Variants in XRCC4 observed in about 807,000 individuals in gnomAD.
The protein encoded by XRCC4 is X-ray repair cross complementing 4, also known as DNA repair protein XRCC4.
XRCC4 carries 28 observed loss-of-function variants against 39.1 expected under a neutral mutation model. That is an observed-to-expected ratio of 0.72 (90% CI 0.53 to 0.98). XRCC4 has a LOEUF of 0.98. Among genes scored for constraint, XRCC4 ranks in the 50% least tolerant of loss-of-function variants. The probability of loss-of-function intolerance (pLI) is 0.00; values close to 1 mark genes in which losing one functional copy is unlikely to be tolerated. For synonymous variants in XRCC4, 123 were observed against 126.4 expected, an observed-to-expected ratio of 0.97 and a Z score of 0.18; for missense variants, 350 against 376.4, an observed-to-expected ratio of 0.93 and a Z score of 0.58.
chr5:83,270,986 A>G (rs952886756), intron 7 of XRCC4, among the ~76,000 whole-genome samples: 2 of 151,916 alleles, frequency 1.3e-5, no homozygotes, highest in Admixed American at 1.3e-4. Flanking sequence ...GGGTTTTGCC[A>G]TGTATAGGAA....
intron 1 of XRCC4, among the ~76,000 whole-genome samples, chr5:83,078,661 TG>T (rs1744794203): frequency 6.6e-6 from 1 of 152,230 alleles, no homozygotes; most frequent in South Asian, 2.1e-4. Flanking sequence ...TATTTGAGTC[TG>T]TTATATTGAA....
rs141546096 is a variant in XRCC4, at chr5:83,147,625, G to A, written c.315+36422G>A. On this transcript the variant is annotated intron_variant, in intron 3 of 7. Transcript: ENST00000396027. ...TCAATTAGGAGAAATAAATTCAAGG[G>A]ATCTGTTGTATAACACAGGGACTAT... Among the ~76,000 whole-genome samples the A allele has an allele frequency of 5.0e-3, 768 of 152,086 alleles. 8 individuals are homozygous for A. Among genetic ancestry groups the A allele is most frequent in the African/African-American group, 0.018 (736 of 41,478 alleles).
intron 7 of XRCC4, among the ~76,000 whole-genome samples, chr5:83,278,797 G>A (rs960818524): frequency 2.0e-5 from 3 of 151,550 alleles, no homozygotes; most frequent in Non-Finnish European, 2.9e-5. Context: ...ACCAGCCTGG[G>A]CAACATGGCG....
At chr5:83,150,241 T>G in intron 3 of XRCC4, among the ~76,000 whole-genome samples, 1 of 152,186 alleles carries the variant, frequency 6.6e-6, no homozygotes, top group East Asian at 1.9e-4. Flanking sequence ...ATGAGATTTT[T>G]GAGAATATAA....
intron 6 of XRCC4, among the ~76,000 whole-genome samples, chr5:83,238,612 A>G (rs1752786452): frequency 6.6e-6 from 1 of 152,128 alleles, no homozygotes; most frequent in African/African-American, 2.4e-5. Context: ...ATAAACACTA[A>G]TAATTACTAA....
At chr5:83,212,947 A>C (rs1751710084) in intron 6 of XRCC4, among the ~76,000 whole-genome samples, 1 of 148,628 alleles carries the variant, frequency 6.7e-6, no homozygotes, top group Admixed American at 7.0e-5. Flanking sequence ...AAAAACACCA[A>C]AATAAAAAAA....
At chr5:83,256,390 A>G (rs1214977114) in intron 6 of XRCC4, among the ~76,000 whole-genome samples, 2 of 152,232 alleles carry the variant, frequency 1.3e-5, no homozygotes, top group Admixed American at 6.5e-5. Flanking sequence ...AATGAATGGC[A>G]GAAATTTTCA....
At chr5:83,326,365 C>T (rs1756261119) in intron 7 of XRCC4, among the ~76,000 whole-genome samples, 1 of 151,936 alleles carries the variant, frequency 6.6e-6, no homozygotes, top group African/African-American at 2.4e-5. Flanking sequence ...ACATTTTCTT[C>T]TAGGATTTTT....
chr5:83,243,017 A>G (rs1035368189), intron 6 of XRCC4, among the ~76,000 whole-genome samples: 2 of 152,214 alleles, frequency 1.3e-5, no homozygotes, highest in Non-Finnish European at 1.5e-5. Flanking sequence ...TTCAATTATG[A>G]TATCTTTCAT....
intron 7 of XRCC4, among the ~76,000 whole-genome samples, chr5:83,343,488 G>A (rs1466080328): frequency 6.6e-6 from 1 of 152,100 alleles, no homozygotes; most frequent in East Asian, 1.9e-4. Context: ...TTTATAGTGG[G>A]TGAGACTCAT....
At chr5:83,213,441 C>T (rs1054534773) in intron 6 of XRCC4, among the ~76,000 whole-genome samples, 6 of 151,580 alleles carry the variant, frequency 4.0e-5, no homozygotes, top group Non-Finnish European at 1.5e-5. Flanking sequence ...TAGATAGATA[C>T]AATATACATG....
intron 3 of XRCC4, among the ~76,000 whole-genome samples, chr5:83,122,155 A>T (rs1242777714): frequency 1.3e-5 from 2 of 152,176 alleles, no homozygotes; most frequent in East Asian, 3.8e-4. Context: ...TGCTTTAGTT[A>T]TCTATTATTT....
At chr5:83,118,889 G>A (rs912299223) in intron 3 of XRCC4, among the ~76,000 whole-genome samples, 7 of 152,108 alleles carry the variant, frequency 4.6e-5, no homozygotes, top group Admixed American at 3.9e-4. Context: ...AAGGGTTTCA[G>A]TCATATTTCA....
intron 1 of XRCC4, among the ~76,000 whole-genome samples, chr5:83,078,638 ATAAC>A (rs2112264215): frequency 6.6e-6 from 1 of 152,360 alleles, no homozygotes; most frequent in East Asian, 1.9e-4. Context: ...GTTTTAAACT[ATAAC>A]TAACTTGATA....
intron 7 of XRCC4, among the ~76,000 whole-genome samples, chr5:83,321,877 A>C (rs1422960866): frequency 6.6e-6 from 1 of 151,716 alleles, no homozygotes; most frequent in East Asian, 1.9e-4. Context: ...CCAAAATGGC[A>C]CAAAGACCAG....
chr5:83,235,334 C>CAAAA (rs57372204), intron 6 of XRCC4, among the ~76,000 whole-genome samples: 55 of 57,824 alleles, frequency 9.5e-4, no homozygotes, highest in African/African-American at 1.5e-3. Context: ...GACCCTATCT[C>CAAAA]AAAAAAAAAA....
chr5:83,202,078 G>A (rs1338937588), intron 4 of XRCC4: 2 of 148,644 alleles, frequency 1.3e-5, no homozygotes, highest in Non-Finnish European at 3.0e-5. Context: ...CCATATCAAT[G>A]CCTGGCTCTT....
chr5:83,078,274 C>T (rs2112262149), intron 1 of XRCC4, among the ~76,000 whole-genome samples: 1 of 152,276 alleles, frequency 6.6e-6, no homozygotes, highest in Non-Finnish European at 1.5e-5. Flanking sequence ...TGCATTTTAT[C>T]GATGGAGAAA....
chr5:83,244,842 A>G (rs1753042549), intron 6 of XRCC4, among the ~76,000 whole-genome samples: 1 of 152,158 alleles, frequency 6.6e-6, no homozygotes, highest in African/African-American at 2.4e-5. Context: ...AATGTGGAAA[A>G]CCAGTAATTT....
Sources: gnomAD v4.1 joint callset for allele counts (sites outside exome capture counted in the v4.1 genomes callset) on GRCh38, gnomAD v4.1.1 for gene constraint, MANE v1.5 for transcripts, NCBI Gene and HGNC (gene_info 2026-07-23, HGNC 2026-07-21) for gene names.